Variants in PACRG observed in about 807,000 individuals in gnomAD.
PACRG encodes parkin coregulated.
PACRG carries 29 observed loss-of-function variants against 29.7 expected under a neutral mutation model. The ratio of observed to expected loss-of-function variants is 0.98; its 90% CI spans 0.73 to 1.33. The LOEUF (loss-of-function observed/expected upper bound fraction) is 1.33, where lower values mean the gene tolerates loss of function less well. Among genes scored for constraint, PACRG ranks in the 40% most tolerant of loss-of-function variants. PACRG has a pLI of 0.00. For synonymous variants in PACRG, 116 were observed against 118.7 expected, an observed-to-expected ratio of 0.98 and a Z score of 0.15; for missense variants, 279 against 316.2, an observed-to-expected ratio of 0.88 and a Z score of 0.89.
At chr6:162,814,589 G>GTTC (rs1203328377) in intron 2 of PACRG, among the ~76,000 whole-genome samples, 2 of 152,146 alleles carry the variant, frequency 1.3e-5, no homozygotes, top group African/African-American at 4.8e-5. Context: ...TCAAATGATG[G>GTTC]AACTGGTGGC....
chr6:162,902,479 GA>G (rs1795630559), intron 2 of PACRG, among the ~76,000 whole-genome samples: 1 of 152,110 alleles, frequency 6.6e-6, no homozygotes, highest in African/African-American at 2.4e-5. Flanking sequence ...TTACTTTTAA[GA>G]AACAAAATGT....
chr6:163,201,528 G>T (rs1780698292), intron 4 of PACRG, among the ~76,000 whole-genome samples: 1 of 152,164 alleles, frequency 6.6e-6, no homozygotes, highest in Admixed American at 6.5e-5. Context: ...CATGAGGTGG[G>T]GCTGGGCAAA....
chr6:163,162,773 C>T (rs1032106188), intron 4 of PACRG, among the ~76,000 whole-genome samples: 1 of 152,230 alleles, frequency 6.6e-6, no homozygotes, highest in Non-Finnish European at 1.5e-5. Context: ...CTGGGTCCAG[C>T]CCCCAGAGCT....
At chr6:162,844,254 C>T (rs374019681) in intron 2 of PACRG, among the ~76,000 whole-genome samples, 477 of 152,212 alleles carry the variant, frequency 3.1e-3, no homozygotes, top group Middle Eastern at 0.014. Flanking sequence ...AGCGAGACTC[C>T]GTGGGCGTAG....
intron 1 of PACRG, among the ~76,000 whole-genome samples, chr6:162,807,382 C>G (rs6919088): frequency 0.33 from 49,538 of 152,040 alleles, 8,945 homozygotes; most frequent in African/African-American, 0.46. Flanking sequence ...GCCTTCTTCA[C>G]TGAGCTTAAT....
intron 2 of PACRG, among the ~76,000 whole-genome samples, chr6:162,923,256 C>G (rs1797194270): frequency 6.6e-6 from 1 of 152,128 alleles, no homozygotes; most frequent in African/African-American, 2.4e-5. Context: ...GTTTGAGCTC[C>G]TTGCATATTC....
At chr6:163,090,110 A>C (rs1189687268) in intron 4 of PACRG, among the ~76,000 whole-genome samples, 2 of 152,182 alleles carry the variant, frequency 1.3e-5, no homozygotes, top group African/African-American at 4.8e-5. Flanking sequence ...TAGTGGTATC[A>C]ATAAGTTAGT....
chr6:162,988,292 T>G (rs375442118), intron 2 of PACRG, among the ~76,000 whole-genome samples: 3 of 152,046 alleles, frequency 2.0e-5, no homozygotes, highest in African/African-American at 7.2e-5. Context: ...CAGAGTGGGA[T>G]TGGAGCAGAG....
chr6:163,314,798 T>G (rs1316627733), intron 4 of PACRG, 29 bp from the exon 5 acceptor site: 1 of 1,607,672 alleles, frequency 6.2e-7, no homozygotes, highest in South Asian at 1.1e-5. Flanking sequence ...GAGAAGTAAC[T>G]GGCCTCTTTG....
At chr6:163,268,001 G>A (rs1234254551) in intron 4 of PACRG, among the ~76,000 whole-genome samples, 1 of 152,146 alleles carries the variant, frequency 6.6e-6, no homozygotes, top group African/African-American at 2.4e-5. Flanking sequence ...AAACATTAAA[G>A]TAATTTAGAA....
intron 4 of PACRG, among the ~76,000 whole-genome samples, chr6:163,111,315 A>G (rs922284113): frequency 4.2e-4 from 64 of 152,200 alleles, no homozygotes; most frequent in Non-Finnish European, 2.1e-4. Context: ...AATCAATGAG[A>G]TTTCCATACC....
At chr6:162,894,409 A>G (rs1478906143) in intron 2 of PACRG, among the ~76,000 whole-genome samples, 1 of 152,258 alleles carries the variant, frequency 6.6e-6, no homozygotes, top group Non-Finnish European at 1.5e-5. Context: ...TTGTATCATT[A>G]TGTGATCATT....
At chr6:162,811,145 A>G (rs1028549087) in intron 1 of PACRG, among the ~76,000 whole-genome samples, 4 of 152,340 alleles carry the variant, frequency 2.6e-5, no homozygotes, top group Admixed American at 2.6e-4. Context: ...CTATTTTTCA[A>G]GTGCTAAAAG....
intron 2 of PACRG, among the ~76,000 whole-genome samples, chr6:162,989,421 T>G (rs1374261535): frequency 6.6e-6 from 1 of 152,200 alleles, no homozygotes; most frequent in Non-Finnish European, 1.5e-5. Context: ...CCCTTTCAGA[T>G]GCCAAAAACC....
chr6:163,008,260 C>T (rs1038486088), intron 2 of PACRG, among the ~76,000 whole-genome samples: 2 of 152,100 alleles, frequency 1.3e-5, no homozygotes, highest in African/African-American at 4.8e-5. Context: ...CAGATCGCCA[C>T]AGGGACTTCT....
intron 2 of PACRG, among the ~76,000 whole-genome samples, chr6:163,004,578 AG>A (rs1804869065): frequency 6.6e-6 from 1 of 151,826 alleles, no homozygotes; most frequent in South Asian, 2.1e-4. Context: ...CCCATGATTC[AG>A]TTACCCCCAC....
intron 4 of PACRG, among the ~76,000 whole-genome samples, chr6:163,143,741 A>G (rs2128335379): frequency 6.6e-6 from 1 of 151,698 alleles, no homozygotes; most frequent in East Asian, 2.0e-4. Context: ...GGGCGACGTC[A>G]GCAAGGAGGT....
At chr6:163,218,090 G>C (rs1781433334) in intron 4 of PACRG, among the ~76,000 whole-genome samples, 1 of 152,130 alleles carries the variant, frequency 6.6e-6, no homozygotes, top group Non-Finnish European at 1.5e-5. Context: ...ACTCTTAGGG[G>C]TGTTGTATTC....
chr6:162,738,868 G>A (rs1780362343), intron 1 of PACRG, among the ~76,000 whole-genome samples: 1 of 152,070 alleles, frequency 6.6e-6, no homozygotes, highest in African/African-American at 2.4e-5. Context: ...CCTGTTAATA[G>A]CAAATTTGTT....
Sources: allele counts gnomAD v4.1 joint callset (sites outside exome capture counted in the v4.1 genomes callset), GRCh38; gene constraint gnomAD v4.1.1; transcripts MANE v1.5; gene names NCBI Gene and HGNC (gene_info 2026-07-23, HGNC 2026-07-21).